The following BOLL variants were observed in gnomAD, a reference collection of about 807,000 sequenced individuals.
The protein encoded by BOLL is boule RNA binding protein.
BOLL carries 23 observed loss-of-function variants against 44.4 expected under a neutral mutation model. The observed-to-expected ratio is 0.52, with a 90% CI of 0.37 to 0.73. BOLL has a LOEUF of 0.73. Ranked by LOEUF, BOLL falls within the 30% of genes least tolerant of loss-of-function variation. BOLL has a pLI of 0.00. For missense variants in BOLL, 287 were observed against 338.3 expected (o/e 0.85, Z 1.19); for synonymous variants, 97 against 110.8 (o/e 0.88, Z 0.78).
chr2:197,764,644 G>A (rs1217651285), intron 7 of BOLL, among the ~76,000 whole-genome samples: 1 of 152,118 alleles, frequency 6.6e-6, no homozygotes, highest in Non-Finnish European at 1.5e-5. Context: ...GGTCTACACT[G>A]GTTGCTGAAT....
At chr2:197,769,239 C>G (rs1047087960) in intron 6 of BOLL, among the ~76,000 whole-genome samples, 1 of 152,014 alleles carries the variant, frequency 6.6e-6, no homozygotes, top group African/African-American at 2.4e-5. Flanking sequence ...AGGAATGGTA[C>G]CAGCTCCTCT....
chr2:197,732,319 T>C (rs1687228871), intron 10 of BOLL, among the ~76,000 whole-genome samples: 1 of 152,060 alleles, frequency 6.6e-6, no homozygotes, highest in African/African-American at 2.4e-5. Context: ...CAATAATCAA[T>C]AGCTTACCAA....
At chr2:197,732,483 C>A (rs946698200) in intron 10 of BOLL, among the ~76,000 whole-genome samples, 10 of 152,036 alleles carry the variant, frequency 6.6e-5, no homozygotes, top group African/African-American at 2.2e-4. Flanking sequence ...ATTCTGATAC[C>A]AAAGCCAGGA....
chr2:197,734,519 T>TTG (rs1321931863), intron 10 of BOLL, among the ~76,000 whole-genome samples: 81 of 152,266 alleles, frequency 5.3e-4, no homozygotes, highest in African/African-American at 1.9e-3. Flanking sequence ...CGTATGTTTA[T>TTG]CACGGCACTA....
In BOLL at chr2:197,755,737, C is replaced by T. The variant is rs941606541; in HGVS notation, c.729+691G>A. Among the ~76,000 whole-genome samples, 11 of 152,160 alleles carry T rather than the reference C, an allele frequency of 7.2e-5. No homozygotes were observed. The South Asian group carries it at 1.2e-3, about 17-fold the overall frequency. On this transcript the variant is annotated intron_variant, in intron 9 of 10. Transcript: ENST00000392296. ...GGGAGGGGCACAACACACATTGGGA[C>T]GTGTCGGGGCTGGGAAGGGAGAGCA... is the stretch of plus-strand genomic sequence containing the variant.
upstream of BOLL, chr2:197,785,833 G>C: frequency 2.7e-6 from 2 of 746,182 alleles, no homozygotes; most frequent in African/African-American, 1.7e-5. This position sits in a 1 kb window ranked among gnomAD's most constrained non-coding sequence, Gnocchi z 6.7. Flanking sequence ...TCCTGGCAGC[G>C]GTCGATGGGG....
chr2:197,766,644 T>A, intron 6 of BOLL, 41 bp from the exon 7 acceptor site: 1 of 1,414,654 alleles, frequency 7.1e-7, no homozygotes, highest in Non-Finnish European at 9.9e-7. Flanking sequence ...CAGAAGCCTT[T>A]AAAATAGCTC....
At chr2:197,771,603 G>C (rs945987319) in intron 6 of BOLL, among the ~76,000 whole-genome samples, 1 of 152,028 alleles carries the variant, frequency 6.6e-6, no homozygotes. Context: ...GAATAGGAAA[G>C]ATATTCTGCT....
intron 10 of BOLL, among the ~76,000 whole-genome samples, chr2:197,734,009 A>G (rs1687347491): frequency 6.6e-6 from 1 of 151,764 alleles, no homozygotes; most frequent in African/African-American, 2.4e-5. Context: ...AGAAACTACC[A>G]TCAGAGTGAA....
chr2:197,740,046 G>A (rs1687662579), intron 10 of BOLL, among the ~76,000 whole-genome samples: 3 of 152,164 alleles, frequency 2.0e-5, no homozygotes, highest in African/African-American at 7.2e-5. Context: ...GCCTCTATGA[G>A]TAATGTTTAG....
intron 2 of BOLL, 36 bp downstream of exon 2, chr2:197,781,686 G>T: frequency 7.0e-7 from 1 of 1,435,960 alleles, no homozygotes; most frequent in South Asian, 1.7e-5. Context: ...GACTTCTAAT[G>T]AAAAAATACA....
chr2:197,741,863 G>A (rs1687752180), intron 10 of BOLL, among the ~76,000 whole-genome samples: 1 of 152,154 alleles, frequency 6.6e-6, no homozygotes, highest in Admixed American at 6.5e-5. Flanking sequence ...ACTACCATCA[G>A]AGTGAAAAGG....
At chr2:197,784,083 T>C (rs2106399124) in intron 1 of BOLL, among the ~76,000 whole-genome samples, 1 of 152,120 alleles carries the variant, frequency 6.6e-6, no homozygotes, top group South Asian at 2.1e-4. Context: ...CTCAATTCAC[T>C]TCATTCTCCT....
At chr2:197,758,186 A>G (rs776476179) in intron 7 of BOLL, among the ~76,000 whole-genome samples, 15 of 152,252 alleles carry the variant, frequency 9.9e-5, no homozygotes, top group African/African-American at 1.4e-4. Context: ...GTGTTCACAT[A>G]AAAATTTGTA....
rs549325062 is a variant in BOLL at position 197,748,486 on chromosome 2, T to G, written c.730-5327A>C. 4.5e-4 allele frequency among the ~76,000 whole-genome samples: 68 copies of G among 152,298 alleles called. 2 individuals carry two copies. The South Asian group carries it at 9.9e-3, about 22-fold the overall frequency. ...CCCAGCAAGCTAAGACCCACTGGCTTGAAATTCTTGCTGCCAGCACAGCTG... is the reference window on the plus strand; with the variant it reads ...CCCAGCAAGCTAAGACCCACTGGCTGGAAATTCTTGCTGCCAGCACAGCTG... On this transcript the variant is annotated intron_variant, in intron 9 of 10. Coordinates refer to ENST00000392296, the MANE Select transcript of BOLL (RefSeq NM_033030.6).
chr2:197,753,872 A>G (rs1216360732), intron 9 of BOLL, among the ~76,000 whole-genome samples: 1 of 152,230 alleles, frequency 6.6e-6, no homozygotes, highest in Non-Finnish European at 1.5e-5. Context: ...AATAGCAAAG[A>G]CTTGGAACCA....
intron 6 of BOLL, among the ~76,000 whole-genome samples, chr2:197,767,675 T>C (rs1471470082): frequency 6.6e-6 from 1 of 151,930 alleles, no homozygotes; most frequent in East Asian, 1.9e-4. Context: ...TTATCATAAC[T>C]ATGGGGAGCC....
At chr2:197,757,298 A>C in intron 8 of BOLL, 55 bp downstream of exon 8, 1 of 1,474,298 alleles carries the variant, frequency 6.8e-7, no homozygotes, top group South Asian at 1.2e-5. Flanking sequence ...TGCAGTCATC[A>C]CAAGAATATA....
intron 9 of BOLL, among the ~76,000 whole-genome samples, chr2:197,745,817 A>G (rs983053092): frequency 2.6e-5 from 4 of 152,196 alleles, no homozygotes; most frequent in Non-Finnish European, 5.9e-5. Context: ...CAAGAGGTCA[A>G]TGTTCTGGAA....
Sources: allele counts gnomAD v4.1 joint callset (sites outside exome capture counted in the v4.1 genomes callset), GRCh38; gene constraint gnomAD v4.1.1; non-coding constraint Gnocchi (gnomAD v3.1); transcripts MANE v1.5; gene names NCBI Gene and HGNC (gene_info 2026-07-23, HGNC 2026-07-21).